Variants in UBE2W observed in about 807,000 individuals in gnomAD.
The protein encoded by UBE2W is ubiquitin-conjugating enzyme E2 W.
Under a neutral mutation model 27.2 loss-of-function variants are expected in UBE2W, and 18 were observed. The observed-to-expected ratio is 0.66, with a 90% confidence interval of 0.46 to 0.98. UBE2W has a LOEUF of 0.98. UBE2W is among the 50% of genes least tolerant of loss of function. The pLI is 0.00. For missense variants in UBE2W, 90 were observed against 180.2 expected, an observed-to-expected ratio of 0.50 and a Z score of 2.87; for synonymous variants, 53 against 57.2, an observed-to-expected ratio of 0.93 and a Z score of 0.33.
chr8:73,868,450 T>C (rs1287450067), intron 1 of UBE2W, among the ~76,000 whole-genome samples: 2 of 152,216 alleles, frequency 1.3e-5, no homozygotes, highest in African/African-American at 4.8e-5. Flanking sequence ...TTATAATACA[T>C]TAGCAATTGT....
chr8:73,848,636 G>A (rs1306080914), intron 1 of UBE2W, among the ~76,000 whole-genome samples: 1 of 152,146 alleles, frequency 6.6e-6, no homozygotes, highest in Non-Finnish European at 1.5e-5. Flanking sequence ...AGGCTGCCGT[G>A]AGCCGTGATC....
downstream of UBE2W, among the ~76,000 whole-genome samples, chr8:73,781,440 G>C (rs757883724): frequency 6.6e-6 from 1 of 151,810 alleles, no homozygotes; most frequent in Non-Finnish European, 1.5e-5. Context: ...ACCATACTCG[G>C]TGCAACGGGG....
At chr8:73,855,322 C>A (rs555633483) in intron 1 of UBE2W, among the ~76,000 whole-genome samples, 25 of 150,410 alleles carry the variant, frequency 1.7e-4, no homozygotes, top group Admixed American at 1.3e-3. Flanking sequence ...GAGCTCACAG[C>A]AATAGCAACA....
Position 73,788,815 on chromosome 8 carries a change from GAAC to G in UBE2W, c.*5284_*5286del. ...CAGAGAGTGTATGTGCCAAGGACTA[GAAC>G]AAGAATTGGATCTCTCCTTTTCCCA... On this transcript the variant is annotated 3_prime_UTR_variant, in exon 6 of 6. Coordinates refer to ENST00000602593, the MANE Select transcript of UBE2W (RefSeq NM_018299.6). 1.0e-6 allele frequency: 1 copy of G among 985,274 alleles called. No individual in the cohort carries two copies. The highest frequency in any genetic ancestry group is 1.2e-6 in the Non-Finnish European group (1 of 829,912). 61.0% of individuals were successfully genotyped at this position (985,274 alleles called of 1,614,324 possible).
At chr8:73,844,941 C>T (rs988151958) in intron 1 of UBE2W, among the ~76,000 whole-genome samples, 3 of 151,782 alleles carry the variant, frequency 2.0e-5, no homozygotes, top group African/African-American at 7.3e-5. Flanking sequence ...TGAGGAGCCC[C>T]TCCGCCTGGC....
Position 73,787,551 on chromosome 8 carries a change from G to A in UBE2W, c.*6551C>T. 2.0e-6 allele frequency: 2 copies of A among 985,436 alleles called. No homozygotes were observed. Among genetic ancestry groups the A allele is most frequent in the Non-Finnish European group, 2.4e-6 (2 of 829,930 alleles). The allele number at this position is 985,436 out of a possible 1,614,324, so 61.0% of individuals were successfully genotyped here. ...TGATCGTTTTTATGGCAGAATGGCT[G>A]CCTCAATGAGGACTAAGGTGCTCCT... On this transcript the variant is annotated 3_prime_UTR_variant, in exon 6 of 6. Coordinates refer to ENST00000602593, the MANE Select transcript of UBE2W (RefSeq NM_018299.6).
chr8:73,829,523 GAACTC>G (rs1299604455), intron 2 of UBE2W, among the ~76,000 whole-genome samples: 3 of 151,516 alleles, frequency 2.0e-5, no homozygotes, highest in Non-Finnish European at 4.4e-5. Context: ...AATCAGTTTA[GAACTC>G]AACAATATTT....
At chr8:73,781,098 T>C (rs189363435) in intron 4 of UBE2W, among the ~76,000 whole-genome samples, 7,986 of 151,248 alleles carry the variant, frequency 0.053, 675 homozygotes, top group African/African-American at 0.18. Flanking sequence ...GGTGAAACCC[T>C]GTCTCTACTA....
At position 73,788,083 on chromosome 8, in the gene UBE2W, A is replaced by G. The variant is rs914235435; in HGVS notation, c.*6019T>C. The G allele has an allele frequency of 2.0e-6, 2 of 984,520 alleles. No individual in the cohort carries two copies. The highest frequency in any genetic ancestry group is 1.7e-5 in the African/African-American group (1 of 57,214). The allele number at this position is 984,520 out of a possible 1,614,324, so 61.0% of individuals were successfully genotyped here. On this transcript the variant is annotated 3_prime_UTR_variant, in exon 6 of 6. Transcript: ENST00000602593. ...TACTTTTACGTCATAAACCAAAAAGAGGTCTGGTATCTATCCCATTTAGTA... is the reference window on the plus strand; with the variant it reads ...TACTTTTACGTCATAAACCAAAAAGGGGTCTGGTATCTATCCCATTTAGTA...
At chr8:73,802,842 T>G (rs1033099103) in intron 5 of UBE2W, among the ~76,000 whole-genome samples, 62 of 151,982 alleles carry the variant, frequency 4.1e-4, no homozygotes, top group African/African-American at 1.5e-3. Context: ...GCTAACACAG[T>G]GAAACCCCGT....
Position 73,788,943 on chromosome 8 carries a change from TCA to T in UBE2W, c.*5157_*5158del, listed in dbSNP as rs1462618473. 7 of 983,538 alleles carry T rather than the reference TCA, an allele frequency of 7.1e-6. No homozygotes were observed. Among genetic ancestry groups the T allele is most frequent in the Non-Finnish European group, 8.4e-6 (7 of 828,408 alleles). The allele number at this position is 983,538 out of a possible 1,614,324, so 60.9% of individuals were successfully genotyped here. A position where few individuals can be genotyped will look rare whatever the true frequency, so the allele number is the denominator to read the frequency against. ...TTCCTTCCACATACTCAAAATACCC[TCA>T]GATATTTTATTAACAAAAAATTTTT... is the stretch of plus-strand genomic sequence containing the variant. On this transcript the variant is annotated 3_prime_UTR_variant, in exon 6 of 6. Transcript: ENST00000602593.
intron 1 of UBE2W, among the ~76,000 whole-genome samples, chr8:73,855,593 A>G (rs1811264001): frequency 6.6e-6 from 1 of 151,752 alleles, no homozygotes. Flanking sequence ...TTTGGTAGAC[A>G]TGGAGTTTCA....
chr8:73,820,015 C>A (rs573251969), intron 3 of UBE2W, among the ~76,000 whole-genome samples: 1 of 152,152 alleles, frequency 6.6e-6, no homozygotes, highest in South Asian at 2.1e-4. Flanking sequence ...GGTTGCCCTA[C>A]GTTGCCCAGG....
intron 1 of UBE2W, among the ~76,000 whole-genome samples, chr8:73,877,506 T>C (rs542906300): frequency 1.3e-5 from 2 of 151,970 alleles, no homozygotes; most frequent in South Asian, 2.1e-4. Context: ...GGAGTAAATG[T>C]GAAGCAAAGC....
intron 5 of UBE2W, among the ~76,000 whole-genome samples, chr8:73,801,584 G>T (rs1328916009): frequency 6.6e-6 from 1 of 152,130 alleles, no homozygotes; most frequent in East Asian, 1.9e-4. Flanking sequence ...AAATAACTAT[G>T]TTTGTCAATA....
At chr8:73,841,181 T>C (rs1810519748) in intron 1 of UBE2W, among the ~76,000 whole-genome samples, 1 of 152,220 alleles carries the variant, frequency 6.6e-6, no homozygotes, top group Non-Finnish European at 1.5e-5. Flanking sequence ...TTAATAGCAC[T>C]GCACTAATAA....
At chr8:73,857,385 A>T (rs1299254603) in intron 1 of UBE2W, among the ~76,000 whole-genome samples, 1 of 152,254 alleles carries the variant, frequency 6.6e-6, no homozygotes, top group Admixed American at 6.5e-5. Context: ...AAATAAAAAT[A>T]CCAACTTTTT....
In UBE2W at chr8:73,825,153, A is replaced by G; in HGVS notation, c.204T>C (p.Ser68=). The G allele has an allele frequency of 6.5e-7, 1 of 1,546,880 alleles. No homozygotes were observed. The highest frequency in any genetic ancestry group is 8.7e-7 in the Non-Finnish European group (1 of 1,145,040). Residue 68 remains serine, a synonymous_variant, in exon 3 of 6, where the codon TCT becomes TCC. Transcript: ENST00000602593. The part of the protein sequence containing the change: ...FKFSSRYPFD[S]PQVMFTGENI... ...TTTAAAGCAAGGCAATTACCTGAGG[A>G]GAGTCAAAAGGATATCGACTACTAA...
chr8:73,826,434 T>C lies in UBE2W; in HGVS notation c.108-1185A>G, dbSNP rs370688097. On this transcript the variant is annotated intron_variant, in intron 2 of 5. Coordinates refer to ENST00000602593, the MANE Select transcript of UBE2W (RefSeq NM_018299.6). ...TGAACTTTTCAGTTATTAAACTTTC[T>C]TGTATTTAAAATACAAGAAAACAAA... is the stretch of plus-strand genomic sequence containing the variant. Among the ~76,000 whole-genome samples, 96 of 152,350 alleles carry C rather than the reference T, an allele frequency of 6.3e-4. No homozygotes were observed. The South Asian group carries it at 0.012, about 20-fold the overall frequency.
Sources: allele counts gnomAD v4.1 joint callset (sites outside exome capture counted in the v4.1 genomes callset), GRCh38; gene constraint gnomAD v4.1.1; transcripts MANE v1.5; gene names NCBI Gene and HGNC (gene_info 2026-07-23, HGNC 2026-07-21).